GRM3: variants seen among roughly 807,000 people sequenced by gnomAD.
GRM3 encodes the protein glutamate metabotropic receptor 3, also known as metabotropic glutamate receptor 3.
Under a neutral mutation model 70.5 loss-of-function variants are expected in GRM3, and 26 were observed. The ratio of observed to expected loss-of-function variants is 0.37; its 90% CI spans 0.27 to 0.51. The LOEUF (loss-of-function observed/expected upper bound fraction) is 0.51, where lower values mean the gene tolerates loss of function less well. GRM3 is among the 20% of genes least tolerant of loss of function. The pLI, the probability that GRM3 is intolerant of heterozygous loss-of-function variation, is 0.93. For missense variants in GRM3, 859 were observed against 1,123.8 expected (o/e 0.76, Z 3.37); for synonymous variants, 443 against 434.9 (o/e 1.02, Z -0.23).
At chr7:86,847,764 T>C (rs1019425462) in intron 4 of GRM3, among the ~76,000 whole-genome samples, 1 of 152,190 alleles carries the variant, frequency 6.6e-6, no homozygotes, top group African/African-American at 2.4e-5. Context: ...GCTGGTAGTA[T>C]TCAAAGGGTC....
chr7:86,861,304 T>C (rs945677267), intron 5 of GRM3, among the ~76,000 whole-genome samples: 9 of 152,234 alleles, frequency 5.9e-5, no homozygotes, highest in African/African-American at 2.2e-4. Flanking sequence ...AACATTTATA[T>C]GATAATTCAG....
intron 1 of GRM3, among the ~76,000 whole-genome samples, chr7:86,661,015 C>T (rs913375075): frequency 3.3e-5 from 5 of 151,922 alleles, no homozygotes; most frequent in Non-Finnish European, 7.4e-5. Flanking sequence ...AAAGATCTTT[C>T]TTTACAATTT....
chr7:86,684,848 A>G (rs1371315832), intron 1 of GRM3, among the ~76,000 whole-genome samples: 1 of 152,172 alleles, frequency 6.6e-6, no homozygotes, highest in East Asian at 1.9e-4. Context: ...CTTTGTGACC[A>G]TGGGCAATTT....
Position 86,685,783 on chromosome 7 carries a change from G to A in GRM3, c.-141+40911G>A, listed in dbSNP as rs115796402. Among the ~76,000 whole-genome samples the A allele has an allele frequency of 9.0e-3, 1,371 of 151,878 alleles. 17 individuals carry two copies. The highest frequency in any genetic ancestry group is 0.032 in the African/African-American group (1,307 of 41,404). Reference sequence around the variant, plus strand: ...TAGCCGGGCATGGTGGGGCGCACCTGTAGTCCAAGCTACTCACAAGGCTGA... The same window carrying A: ...TAGCCGGGCATGGTGGGGCGCACCTATAGTCCAAGCTACTCACAAGGCTGA... On this transcript the variant is annotated intron_variant, in intron 1 of 5. Coordinates refer to ENST00000361669, the MANE Select transcript of GRM3 (RefSeq NM_000840.3).
At chr7:86,667,922 C>T (rs1174700957) in intron 1 of GRM3, among the ~76,000 whole-genome samples, 1 of 152,122 alleles carries the variant, frequency 6.6e-6, no homozygotes, top group African/African-American at 2.4e-5. Flanking sequence ...TTTAAGCAGA[C>T]ACCGGAGGGA....
intron 1 of GRM3, among the ~76,000 whole-genome samples, chr7:86,688,492 A>T (rs1794618318): frequency 6.6e-6 from 1 of 151,680 alleles, no homozygotes; most frequent in Non-Finnish European, 1.5e-5. Context: ...TTAACTGTAT[A>T]AAGCAAAAAG....
chr7:86,781,660 C>T (rs1393318967), intron 2 of GRM3, among the ~76,000 whole-genome samples: 2 of 151,982 alleles, frequency 1.3e-5, no homozygotes, highest in African/African-American at 2.4e-5. Context: ...GTTTTCTCAC[C>T]TATAAAACAA....
chr7:86,862,516 G>A (rs758532585), intron 5 of GRM3, among the ~76,000 whole-genome samples: 14 of 152,002 alleles, frequency 9.2e-5, no homozygotes, highest in Non-Finnish European at 1.8e-4. Flanking sequence ...ATATGACACC[G>A]TACCTGCCCT....
chr7:86,802,628 T>A (rs1797708142), intron 3 of GRM3, among the ~76,000 whole-genome samples: 1 of 151,524 alleles, frequency 6.6e-6, no homozygotes, highest in Non-Finnish European at 1.5e-5. Context: ...AGGCTACAGA[T>A]CACCATGTCT....
chr7:86,745,251 G>A (rs1453736644), intron 1 of GRM3, among the ~76,000 whole-genome samples: 1 of 152,060 alleles, frequency 6.6e-6, no homozygotes, highest in Non-Finnish European at 1.5e-5. Flanking sequence ...AACCCCTGAG[G>A]GCAGTGGGAG....
chr7:86,702,547 C>T (rs1794967266), intron 1 of GRM3, among the ~76,000 whole-genome samples: 1 of 151,904 alleles, frequency 6.6e-6, no homozygotes, highest in South Asian at 2.1e-4. Flanking sequence ...TGGAAAAGAT[C>T]AGAAGTATGA....
chr7:86,836,086 G>C (rs1798451031), intron 3 of GRM3, among the ~76,000 whole-genome samples: 1 of 152,152 alleles, frequency 6.6e-6, no homozygotes, highest in Admixed American at 6.5e-5. Flanking sequence ...TTTCCTGTCA[G>C]TTTGTCAATT....
chr7:86,727,510 A>G (rs888963489), intron 1 of GRM3, among the ~76,000 whole-genome samples: 2 of 152,164 alleles, frequency 1.3e-5, no homozygotes, highest in Non-Finnish European at 2.9e-5. Flanking sequence ...GAACATTTGT[A>G]TTTACCATAT....
intron 3 of GRM3, among the ~76,000 whole-genome samples, chr7:86,800,324 A>T (rs1797652963): frequency 6.6e-6 from 1 of 152,208 alleles, no homozygotes; most frequent in Admixed American, 6.5e-5. Flanking sequence ...ACATTTAAAA[A>T]TACCCTTTAC....
chr7:86,786,165 G>T lies in GRM3; in HGVS notation c.469-96G>T. ...GTAGCCATCTAGAGTAGAGGGAAAA[G>T]GGAGTCAGTAAAAGGTGTGGATGCT... On this transcript the variant is annotated intron_variant, in intron 2 of 5. Coordinates refer to ENST00000361669, the MANE Select transcript of GRM3 (RefSeq NM_000840.3). The surrounding 1 kb of genome is among the most constrained non-coding windows in gnomAD (Gnocchi z 6.0). The T allele has an allele frequency of 9.8e-7, 1 of 1,016,052 alleles. No individual in the cohort carries two copies. The highest frequency in any genetic ancestry group is 1.5e-6 in the Non-Finnish European group (1 of 680,588). The allele number at this position is 1,016,052 out of a possible 1,614,324, so 62.9% of individuals were successfully genotyped here. A position where few individuals can be genotyped will look rare whatever the true frequency, so the allele number is the denominator to read the frequency against.
At chr7:86,720,038 G>T (rs1795420222) in intron 1 of GRM3, among the ~76,000 whole-genome samples, 1 of 152,034 alleles carries the variant, frequency 6.6e-6, no homozygotes, top group African/African-American at 2.4e-5. Flanking sequence ...ACATCCTACA[G>T]ATAATAGATT....
At chr7:86,766,627 A>G (rs933865819) in intron 2 of GRM3, among the ~76,000 whole-genome samples, 3 of 152,152 alleles carry the variant, frequency 2.0e-5, no homozygotes, top group African/African-American at 7.2e-5. Flanking sequence ...ACTAGAACTC[A>G]GATAGATCTT....
chr7:86,705,239 G>C (rs1305928502), intron 1 of GRM3, among the ~76,000 whole-genome samples: 3 of 151,520 alleles, frequency 2.0e-5, no homozygotes, highest in Admixed American at 6.6e-5. Flanking sequence ...TAAATTACCT[G>C]CCTTTTTCCT....
intron 1 of GRM3, among the ~76,000 whole-genome samples, chr7:86,691,401 A>T (rs1191555935): frequency 6.6e-6 from 1 of 152,062 alleles, no homozygotes; most frequent in Non-Finnish European, 1.5e-5. Flanking sequence ...TAAAACCATA[A>T]CTCTTATGTA....
Sources: allele counts gnomAD v4.1 joint callset (sites outside exome capture counted in the v4.1 genomes callset), GRCh38; gene constraint gnomAD v4.1.1; non-coding constraint Gnocchi (gnomAD v3.1); transcripts MANE v1.5; gene names NCBI Gene and HGNC (gene_info 2026-07-23, HGNC 2026-07-21).